Variants in NEK7 observed in about 807,000 individuals in gnomAD.
The protein encoded by NEK7 is serine/threonine-protein kinase Nek7.
A neutral mutation model predicts 44.6 loss-of-function variants in NEK7; 18 were observed. The observed-to-expected ratio is 0.40, with a 90% CI of 0.28 to 0.60. The LOEUF (loss-of-function observed/expected upper bound fraction) is 0.60. Ranked by LOEUF, NEK7 falls within the 20% of genes least tolerant of loss-of-function variation. The probability of loss-of-function intolerance (pLI) is 0.38; values close to 1 mark genes in which losing one functional copy is unlikely to be tolerated. For missense variants in NEK7, 256 were observed against 366.5 expected, an observed-to-expected ratio of 0.70 and a Z score of 2.46; for synonymous variants, 130 against 121.1, an observed-to-expected ratio of 1.07 and a Z score of -0.48.
intron 2 of NEK7, among the ~76,000 whole-genome samples, chr1:198,248,516 A>G (rs975070888): frequency 1.3e-5 from 2 of 152,174 alleles, no homozygotes; most frequent in Non-Finnish European, 2.9e-5. Flanking sequence ...GCCGTTTGAG[A>G]GCAGAAAGCA....
rs966361716 is a variant in NEK7, at chr1:198,234,992, C to G, written c.57+2355C>G. Reference sequence around the variant, plus strand: ...TTTTAGAAGACTGGGAAAGGACAGCCTCTGCTCAGCTTTGACAACCTTTTT... The same window carrying G: ...TTTTAGAAGACTGGGAAAGGACAGCGTCTGCTCAGCTTTGACAACCTTTTT... On this transcript the variant is annotated intron_variant, in intron 2 of 9. Coordinates refer to ENST00000367385, the MANE Select transcript of NEK7 (RefSeq NM_133494.3). Among the ~76,000 whole-genome samples, 5 of 152,294 alleles carry G rather than the reference C, an allele frequency of 3.3e-5. No individual in the cohort carries two copies. In the East Asian group the frequency reaches 9.6e-4, roughly 29 times the overall value.
At chr1:198,191,702 T>A (rs1665077399) in intron 1 of NEK7, among the ~76,000 whole-genome samples, 1 of 152,128 alleles carries the variant, frequency 6.6e-6, no homozygotes, top group Non-Finnish European at 1.5e-5. Flanking sequence ...TTTACCTAGA[T>A]GTTGTGAAGA....
In NEK7 at chr1:198,228,344, A is replaced by G. The variant is rs150547149; in HGVS notation, c.-28-4209A>G. ...TCTTTTGGCTCAGGACTGACTTGGCAATGCAGGCTCTTTTTTGGTTCCATG... is the reference window on the plus strand; with the variant it reads ...TCTTTTGGCTCAGGACTGACTTGGCGATGCAGGCTCTTTTTTGGTTCCATG... On this transcript the variant is annotated intron_variant, in intron 1 of 9. Coordinates refer to ENST00000367385, the MANE Select transcript of NEK7 (RefSeq NM_133494.3). Among the ~76,000 whole-genome samples the G allele has an allele frequency of 6.9e-3, 1,046 of 152,244 alleles. 10 individuals carry two copies. The highest frequency in any genetic ancestry group is 0.01 in the Non-Finnish European group (696 of 68,010).
chr1:198,217,586 G>A (rs4915270), intron 1 of NEK7, among the ~76,000 whole-genome samples: 19,903 of 151,942 alleles, frequency 0.13, 1,996 homozygotes, highest in East Asian at 0.57. Flanking sequence ...GACTTAGCCC[G>A]AGCTATCAGG....
At chr1:198,269,461 G>GA (rs897683591) in intron 5 of NEK7, among the ~76,000 whole-genome samples, 4 of 151,560 alleles carry the variant, frequency 2.6e-5, no homozygotes, top group Admixed American at 2.0e-4. Flanking sequence ...ATTATATCAG[G>GA]AAAAAAAATC....
chr1:198,310,264 GT>G (rs1187493686), intron 9 of NEK7, among the ~76,000 whole-genome samples: 1 of 152,026 alleles, frequency 6.6e-6, no homozygotes, highest in African/African-American at 2.4e-5. Flanking sequence ...GTCTGTTCAT[GT>G]CCTTCACCCA....
intron 1 of NEK7, among the ~76,000 whole-genome samples, chr1:198,188,219 A>G (rs1341569047): frequency 6.6e-6 from 1 of 152,148 alleles, no homozygotes; most frequent in Non-Finnish European, 1.5e-5. Context: ...CCTGGATTTC[A>G]TAGAGAATGC....
chr1:198,170,459 T>C (rs1478392682), intron 1 of NEK7, among the ~76,000 whole-genome samples: 1 of 152,220 alleles, frequency 6.6e-6, no homozygotes, highest in Non-Finnish European at 1.5e-5. Context: ...AGCTGTTGAC[T>C]GAGTATACTT....
chr1:198,256,633 A>G, intron 3 of NEK7: 1 of 947,272 alleles, frequency 1.1e-6, no homozygotes, highest in Non-Finnish European at 1.5e-6. Context: ...CCTAGTGTTT[A>G]TTGGTCAGTG....
chr1:198,255,849 G>C (rs1446572334), intron 3 of NEK7, among the ~76,000 whole-genome samples: 4 of 152,110 alleles, frequency 2.6e-5, no homozygotes, highest in Admixed American at 2.6e-4. Flanking sequence ...TTTGTAAGGA[G>C]AAATATATTT....
chr1:198,256,620 C>T (rs1055311686), intron 3 of NEK7: 1 of 1,077,402 alleles, frequency 9.3e-7, no homozygotes, highest in East Asian at 2.7e-5. Flanking sequence ...TATTTATTGG[C>T]CACCTAGTGT....
intron 9 of NEK7, among the ~76,000 whole-genome samples, chr1:198,302,657 A>T (rs996874752): frequency 2.0e-5 from 3 of 152,198 alleles, no homozygotes; most frequent in African/African-American, 7.2e-5. Flanking sequence ...TTTATAGGTT[A>T]TTGGAGAGTA....
chr1:198,285,455 C>T (rs909173500), intron 7 of NEK7, among the ~76,000 whole-genome samples: 9 of 152,150 alleles, frequency 5.9e-5, no homozygotes, highest in African/African-American at 9.7e-5. Flanking sequence ...GAGTTGTAGA[C>T]GCTTGTTGGT....
chr1:198,252,648 A>G (rs1653096370), intron 2 of NEK7, among the ~76,000 whole-genome samples: 1 of 143,282 alleles, frequency 7.0e-6, no homozygotes, highest in Admixed American at 7.1e-5. Flanking sequence ...ATATTAAAAC[A>G]TATATGTATG....
chr1:198,159,397 C>G (rs1021456779), intron 1 of NEK7, among the ~76,000 whole-genome samples: 6 of 152,172 alleles, frequency 3.9e-5, no homozygotes, highest in Admixed American at 3.3e-4. Context: ...TAGAACTTAA[C>G]TACTACTGAA....
chr1:198,171,842 C>G (rs1664453964), intron 1 of NEK7, among the ~76,000 whole-genome samples: 1 of 152,152 alleles, frequency 6.6e-6, no homozygotes, highest in African/African-American at 2.4e-5. Context: ...CTCCCACATG[C>G]CGTAAGACTC....
intron 3 of NEK7, chr1:198,256,564 TC>T (rs1277910963): frequency 7.0e-7 from 1 of 1,424,430 alleles, no homozygotes; most frequent in East Asian, 2.6e-5. Flanking sequence ...CTTGCCTCCT[TC>T]TTCAGTGCTT....
At chr1:198,283,682 A>T (rs969865031) in intron 7 of NEK7, among the ~76,000 whole-genome samples, 1 of 152,150 alleles carries the variant, frequency 6.6e-6, no homozygotes, top group African/African-American at 2.4e-5. Flanking sequence ...TAAGAAACTT[A>T]TCTATATCTA....
intron 1 of NEK7, among the ~76,000 whole-genome samples, chr1:198,202,709 C>A (rs1571527418): frequency 6.6e-6 from 1 of 152,300 alleles, no homozygotes; most frequent in East Asian, 1.9e-4. Flanking sequence ...AAAAGGGAAA[C>A]CCTTTATAAG....
Sources: gnomAD v4.1 joint callset for allele counts (sites outside exome capture counted in the v4.1 genomes callset) on GRCh38, gnomAD v4.1.1 for gene constraint, MANE v1.5 for transcripts, NCBI Gene and HGNC (gene_info 2026-07-23, HGNC 2026-07-21) for gene names.